The following EPHB1 variants were observed in gnomAD, a reference collection of about 807,000 sequenced individuals.
EPHB1 encodes EPH receptor B1.
In EPHB1, 30 loss-of-function variants were observed where a neutral mutation model predicts 94.4. The ratio of observed to expected loss-of-function variants is 0.32; its 90% CI spans 0.24 to 0.43. The LOEUF (loss-of-function observed/expected upper bound fraction) is 0.43. Ranked by LOEUF, EPHB1 falls within the 20% of genes least tolerant of loss-of-function variation. The probability of loss-of-function intolerance (pLI) is 1.00; values close to 1 mark genes in which losing one functional copy is unlikely to be tolerated. For missense variants in EPHB1, 1,055 were observed against 1,308.3 expected, an observed-to-expected ratio of 0.81 and a Z score of 2.99; for synonymous variants, 522 against 489.1, an observed-to-expected ratio of 1.07 and a Z score of -0.89.
intron 7 of EPHB1, among the ~76,000 whole-genome samples, chr3:135,164,767 C>G (rs1349684313): frequency 7.0e-6 from 1 of 142,922 alleles, no homozygotes; most frequent in Non-Finnish European, 1.5e-5. Flanking sequence ...CAAGATTGTG[C>G]CACTGCACTC....
At chr3:135,011,355 C>A (rs932421767) in intron 3 of EPHB1, among the ~76,000 whole-genome samples, 1 of 152,172 alleles carries the variant, frequency 6.6e-6, no homozygotes, top group Non-Finnish European at 1.5e-5. Flanking sequence ...CAGGATGCAT[C>A]TTGATTTTAT....
intron 6 of EPHB1, among the ~76,000 whole-genome samples, chr3:135,155,499 A>G (rs1941324752): frequency 6.6e-6 from 1 of 152,218 alleles, no homozygotes; most frequent in South Asian, 2.1e-4. Context: ...AGAGGAGGTC[A>G]TCATGTTGGG....
At chr3:135,178,224 A>AG (rs36017335) in intron 9 of EPHB1, among the ~76,000 whole-genome samples, 10,678 of 139,490 alleles carry the variant, frequency 0.077, 757 homozygotes, top group Middle Eastern at 0.1. Flanking sequence ...GAGGCCGGGG[A>AG]GGGGGGGTGG....
chr3:134,827,358 C>T (rs1425046648), intron 1 of EPHB1, among the ~76,000 whole-genome samples: 2 of 120,246 alleles, frequency 1.7e-5, no homozygotes, highest in Admixed American at 7.9e-5. Context: ...TGCGCGGGTG[C>T]GCGTGCACAC....
At chr3:135,050,592 G>C (rs1198874255) in intron 3 of EPHB1, among the ~76,000 whole-genome samples, 1 of 152,148 alleles carries the variant, frequency 6.6e-6, no homozygotes. Flanking sequence ...CAAATCTCAT[G>C]TTGAAATGTG....
chr3:135,065,561 GT>G lies in EPHB1; in HGVS notation c.806-40883del, dbSNP rs1937570358. Among the ~76,000 whole-genome samples, 5 of 152,260 alleles carry G rather than the reference GT, an allele frequency of 3.3e-5. No homozygotes were observed. In the South Asian group the frequency reaches 1.0e-3, roughly 32 times the overall value. On this transcript the variant is annotated intron_variant, in intron 3 of 15. Coordinates refer to ENST00000398015, the MANE Select transcript of EPHB1 (RefSeq NM_004441.5). ...TGAAATGCCTTTTTCCACCCTTTAAGTTTTAGTTATATGAGTCTGTCTGTGT... is the reference window on the plus strand; with the variant it reads ...TGAAATGCCTTTTTCCACCCTTTAAGTTTAGTTATATGAGTCTGTCTGTGT...
At chr3:135,183,939 T>C (rs1344252821) in intron 10 of EPHB1, among the ~76,000 whole-genome samples, 2 of 152,184 alleles carry the variant, frequency 1.3e-5, no homozygotes, top group South Asian at 2.1e-4. Flanking sequence ...ATCCTATAAA[T>C]GCTGTGCTTG....
chr3:135,127,471 A>T (rs1351816246), intron 4 of EPHB1, among the ~76,000 whole-genome samples: 1 of 152,152 alleles, frequency 6.6e-6, no homozygotes, highest in Admixed American at 6.5e-5. Flanking sequence ...GAGGGATCCC[A>T]GGACACAGAC....
At chr3:134,847,247 T>A (rs2036893564) in intron 1 of EPHB1, among the ~76,000 whole-genome samples, 1 of 151,436 alleles carries the variant, frequency 6.6e-6, no homozygotes, top group African/African-American at 2.4e-5. Flanking sequence ...AAGGCGGGGC[T>A]CCACCTCCGG....
At chr3:135,186,440 G>A (rs983129683) in intron 10 of EPHB1, among the ~76,000 whole-genome samples, 3 of 152,324 alleles carry the variant, frequency 2.0e-5, no homozygotes, top group African/African-American at 7.2e-5. Flanking sequence ...ACAAGCTAGT[G>A]TGTTAAAACT....
chr3:134,917,904 G>A (rs1317953330), intron 1 of EPHB1, among the ~76,000 whole-genome samples: 1 of 152,224 alleles, frequency 6.6e-6, no homozygotes, highest in Non-Finnish European at 1.5e-5. Context: ...ATCTTTATGG[G>A]CATGTCTCTG....
chr3:134,983,352 G>T (rs1270919499), intron 3 of EPHB1, among the ~76,000 whole-genome samples: 1 of 152,264 alleles, frequency 6.6e-6, no homozygotes, highest in Non-Finnish European at 1.5e-5. Context: ...TTAACCACTT[G>T]CAGGTGCAAC....
At chr3:134,994,175 T>C (rs1273800158) in intron 3 of EPHB1, among the ~76,000 whole-genome samples, 1 of 152,246 alleles carries the variant, frequency 6.6e-6, no homozygotes, top group East Asian at 1.9e-4. Flanking sequence ...TGTTTATCAT[T>C]TTATTTATTG....
chr3:134,878,924 C>T (rs1358445517), intron 1 of EPHB1, among the ~76,000 whole-genome samples: 1 of 152,226 alleles, frequency 6.6e-6, no homozygotes, highest in South Asian at 2.1e-4. Flanking sequence ...AAAGCCTGCT[C>T]TCTTGTTTTT....
At chr3:134,829,056 T>G (rs1450219712) in intron 1 of EPHB1, among the ~76,000 whole-genome samples, 2 of 152,222 alleles carry the variant, frequency 1.3e-5, no homozygotes, top group Non-Finnish European at 2.9e-5. Flanking sequence ...GATGAAGTAC[T>G]GCTGTATAAA....
intron 2 of EPHB1, among the ~76,000 whole-genome samples, chr3:134,937,447 A>G (rs36161): frequency 0.55 from 83,194 of 152,090 alleles, 24,618 homozygotes; most frequent in African/African-American, 0.77. Context: ...CAGAGGCCCC[A>G]CCCCTTCCTT....
chr3:135,036,778 G>C (rs1340477562), intron 3 of EPHB1, among the ~76,000 whole-genome samples: 1 of 152,272 alleles, frequency 6.6e-6, no homozygotes, highest in East Asian at 1.9e-4. Flanking sequence ...AGCTAGGTCA[G>C]GAAACCCAAA....
At chr3:135,160,342 C>T (rs1343302185) in intron 6 of EPHB1, among the ~76,000 whole-genome samples, 1 of 152,140 alleles carries the variant, frequency 6.6e-6, no homozygotes, top group Non-Finnish European at 1.5e-5. Context: ...GTATTCTTTA[C>T]ATATATTTAC....
chr3:135,154,091 A>T, intron 5 of EPHB1, 61 bp from the exon 6 acceptor site: 3 of 1,604,646 alleles, frequency 1.9e-6, no homozygotes, highest in Non-Finnish European at 2.6e-6. Context: ...CCTCTGGAAG[A>T]TGGCCCTTCC....
Sources: gnomAD v4.1 joint callset for allele counts (sites outside exome capture counted in the v4.1 genomes callset) on GRCh38, gnomAD v4.1.1 for gene constraint, MANE v1.5 for transcripts, NCBI Gene and HGNC (gene_info 2026-07-23, HGNC 2026-07-21) for gene names.